Variants in FBXO25 observed in about 807,000 individuals in gnomAD.
The protein encoded by FBXO25 is F-box protein 25.
Under a neutral mutation model 51.9 loss-of-function variants are expected in FBXO25, and 45 were observed. The ratio of observed to expected loss-of-function variants is 0.87; its 90% CI spans 0.68 to 1.11. The LOEUF is 1.11. FBXO25 is among the 50% of genes most tolerant of loss of function. The pLI, the probability that FBXO25 is intolerant of heterozygous loss-of-function variation, is 0.00. For synonymous variants in FBXO25, 199 were observed against 151.0 expected, an observed-to-expected ratio of 1.32 and a Z score of -2.33; for missense variants, 507 against 428.5, an observed-to-expected ratio of 1.18 and a Z score of -1.62.
At chr8:467,914 T>C (rs1241265282) in intron 9 of FBXO25, 1 of 1,481,518 alleles carries the variant, frequency 6.7e-7, no homozygotes, top group East Asian at 2.4e-5. Flanking sequence ...ATCAAACACC[T>C]CAGCAAGGAC....
At chr8:436,142 C>T (rs182199802) in intron 5 of FBXO25, among the ~76,000 whole-genome samples, 6 of 152,312 alleles carry the variant, frequency 3.9e-5, no homozygotes, top group Admixed American at 1.3e-4. Context: ...ACAGGAATTT[C>T]ATACAAAATA....
chr8:409,273 A>G (rs1458618744), intron 1 of FBXO25, among the ~76,000 whole-genome samples: 2 of 152,254 alleles, frequency 1.3e-5, no homozygotes, highest in East Asian at 3.8e-4. Context: ...ATTGTGATCC[A>G]TAGAGCATAC....
intron 1 of FBXO25, among the ~76,000 whole-genome samples, chr8:407,625 C>G (rs1158027039): frequency 1.3e-5 from 2 of 151,980 alleles, no homozygotes; most frequent in South Asian, 4.1e-4. Context: ...GTTTCGGGGA[C>G]GACTCCTGCC....
intron 7 of FBXO25, among the ~76,000 whole-genome samples, chr8:454,214 T>C (rs1799272571): frequency 6.6e-6 from 1 of 152,216 alleles, no homozygotes; most frequent in Non-Finnish European, 1.5e-5. Context: ...GTTGTAAAGT[T>C]CCTAAGAACA....
chr8:468,383 G>T (rs1460403370), intron 9 of FBXO25: 1 of 641,306 alleles, frequency 1.6e-6, no homozygotes, highest in Non-Finnish European at 1.9e-6. Context: ...AAAGTCCCCA[G>T]TGGTTTCTTC....
chr8:469,971 C>T lies in FBXO25; in HGVS notation c.*1167C>T, dbSNP rs1800425003. On this transcript the variant is annotated 3_prime_UTR_variant, in exon 10 of 10. Coordinates refer to ENST00000350302, the MANE Select transcript of FBXO25 (RefSeq NM_183420.2). ...ATTTATTTGTCAAATTATAGTTTCT[C>T]CTGAGGCGATGCAAATACCTGGGGC... is the stretch of plus-strand genomic sequence containing the variant. 1 of 152,200 alleles carries T rather than the reference C, an allele frequency of 6.6e-6. No homozygotes were observed. Among genetic ancestry groups the T allele is most frequent in the Admixed American group, 6.5e-5 (1 of 15,278 alleles). 9.4% of individuals were successfully genotyped at this position (152,200 alleles called of 1,614,324 possible).
intron 2 of FBXO25, among the ~76,000 whole-genome samples, chr8:429,056 C>A (rs1797663300): frequency 8.2e-6 from 1 of 122,386 alleles, no homozygotes; most frequent in Non-Finnish European, 1.7e-5. Flanking sequence ...AATATATACC[C>A]AGAAGTGGAA....
At chr8:413,039 A>G (rs1188433805) in intron 1 of FBXO25, 34 bp from the exon 2 acceptor site, 25 of 1,427,778 alleles carry the variant, frequency 1.8e-5, no homozygotes, top group African/African-American at 1.4e-4. Flanking sequence ...TATGAATTAT[A>G]TATACTTTTT....
chr8:416,485 G>T (rs1796809058), intron 2 of FBXO25, among the ~76,000 whole-genome samples: 1 of 152,236 alleles, frequency 6.6e-6, no homozygotes, highest in Admixed American at 6.5e-5. Flanking sequence ...ACAGGGAACA[G>T]TTAAGTGTGT....
At chr8:466,879 C>T (rs967366694) in intron 9 of FBXO25, among the ~76,000 whole-genome samples, 4 of 152,172 alleles carry the variant, frequency 2.6e-5, no homozygotes, top group African/African-American at 9.7e-5. Context: ...AGAGGGGTGG[C>T]GTTACCTCCC....
Position 468,862 on chromosome 8 carries a change from A to C in FBXO25, c.*58A>C. ...GAATCCTGCTGTCTGTGCAGGGCTC[A>C]TAGTGAGTGTTCTGTGAGGTGGGTG... On this transcript the variant is annotated 3_prime_UTR_variant, in exon 10 of 10. Coordinates refer to ENST00000350302, the MANE Select transcript of FBXO25 (RefSeq NM_183420.2). The C allele has an allele frequency of 2.6e-6, 4 of 1,537,340 alleles. No individual in the cohort carries two copies. Among genetic ancestry groups the C allele is most frequent in the Non-Finnish European group, 3.6e-6 (4 of 1,122,486 alleles).
chr8:407,852 CAGTA>C (rs926539604), intron 1 of FBXO25, among the ~76,000 whole-genome samples: 5 of 152,174 alleles, frequency 3.3e-5, no homozygotes, highest in Admixed American at 6.5e-5. Context: ...CTTCCCCTCA[CAGTA>C]AGCTCAATTT....
chr8:419,323 C>G (rs1350187794), intron 2 of FBXO25, among the ~76,000 whole-genome samples: 1 of 152,138 alleles, frequency 6.6e-6, no homozygotes, highest in East Asian at 1.9e-4. Context: ...GAGCAGAGAT[C>G]CTGTCATTGC....
At chr8:451,758 T>C (rs1044463347) in intron 7 of FBXO25, among the ~76,000 whole-genome samples, 2 of 152,176 alleles carry the variant, frequency 1.3e-5, no homozygotes, top group African/African-American at 4.8e-5. Flanking sequence ...TTCAGTAAAT[T>C]AAGGCTAAAT....
At chr8:425,862 C>A (rs1302020234) in intron 2 of FBXO25, among the ~76,000 whole-genome samples, 1 of 148,956 alleles carries the variant, frequency 6.7e-6, no homozygotes, top group Non-Finnish European at 1.5e-5. Flanking sequence ...TGCTTTTATC[C>A]TTTTGGTATT....
Position 458,448 on chromosome 8 carries a change from G to A in FBXO25, c.740G>A (p.Trp247Ter), listed in dbSNP as rs1292830865. 10 of 1,614,070 alleles carry A rather than the reference G, an allele frequency of 6.2e-6. No individual in the cohort carries two copies. The highest frequency in any genetic ancestry group is 8.5e-6 in the Non-Finnish European group (10 of 1,180,024). ...NNILYRFSDG[W>*]DIITLGQVTP... ...ATCCTATACCGGTTCTCAGACGGAT[G>A]GGACATCATCACCTTAGGCCAGGTG... Residue 247 changes from tryptophan to a stop codon, truncating the protein, a stop_gained, in exon 8 of 10, where the codon TGG becomes TAG. Coordinates refer to ENST00000350302, the MANE Select transcript of FBXO25 (RefSeq NM_183420.2). LOFTEE classifies it high-confidence loss of function.
At chr8:423,304 T>C (rs569463003) in intron 2 of FBXO25, among the ~76,000 whole-genome samples, 31 of 152,326 alleles carry the variant, frequency 2.0e-4, no homozygotes, top group African/African-American at 7.0e-4. Context: ...CTGGTTCTTC[T>C]TCTCCTTTTA....
chr8:416,673 A>G (rs1177734328), intron 2 of FBXO25, among the ~76,000 whole-genome samples: 4 of 152,320 alleles, frequency 2.6e-5, no homozygotes, highest in Non-Finnish European at 5.9e-5. Context: ...TGTTGGGTAG[A>G]TAAAATCTAC....
chr8:464,481 C>G (rs1379041542), intron 9 of FBXO25, among the ~76,000 whole-genome samples: 1 of 152,190 alleles, frequency 6.6e-6, no homozygotes, highest in Non-Finnish European at 1.5e-5. Flanking sequence ...CTGCCTCTTG[C>G]AAGAGTGGGC....
Sources: gnomAD v4.1 joint callset for allele counts (sites outside exome capture counted in the v4.1 genomes callset) on GRCh38, gnomAD v4.1.1 for gene constraint, MANE v1.5 for transcripts, NCBI Gene and HGNC (gene_info 2026-07-23, HGNC 2026-07-21) for gene names.